ADAMTS20: variants seen among roughly 807,000 people sequenced by gnomAD.
The protein encoded by ADAMTS20 is A disintegrin and metalloproteinase with thrombospondin motifs 20.
A neutral mutation model predicts 260.1 loss-of-function variants in ADAMTS20; 225 were observed. That is an observed-to-expected ratio of 0.87 (90% CI 0.78 to 0.97). ADAMTS20 has a LOEUF of 0.97. Ranked by LOEUF, ADAMTS20 falls within the 50% of genes least tolerant of loss-of-function variation. The pLI is 0.00. For synonymous variants in ADAMTS20, 802 were observed against 769.5 expected (o/e 1.04, Z -0.70); for missense variants, 2,400 against 2,337.7 (o/e 1.03, Z -0.55).
chr12:43,443,131 G>A (rs558292157), intron 16 of ADAMTS20, among the ~76,000 whole-genome samples: 13 of 152,104 alleles, frequency 8.5e-5, no homozygotes, highest in Non-Finnish European at 1.5e-4. Flanking sequence ...CTCCAGCTTG[G>A]TGAATTATAG....
chr12:43,439,729 T>TA lies in ADAMTS20; in HGVS notation c.2485dup (p.Tyr829LeufsTer4). On this transcript the variant is annotated frameshift_variant, in exon 18 of 39. Transcript: ENST00000389420. LOFTEE classifies it high-confidence loss of function. Reference sequence around the variant, plus strand: ...GAAGGAATAATGTACATCAGGGTTGTATAAATTACCCACACACAACACCTC... The same window carrying TA: ...GAAGGAATAATGTACATCAGGGTTGTAATAAATTACCCACACACAACACCTC... 6.2e-7 allele frequency: 1 copy of TA among 1,612,944 alleles called. No individual in the cohort carries two copies.
intron 21 of ADAMTS20, 67 bp from the exon 22 acceptor site, chr12:43,431,563 C>A: frequency 6.5e-7 from 1 of 1,538,210 alleles, no homozygotes; most frequent in South Asian, 1.1e-5. Flanking sequence ...TAAACTGATG[C>A]AATGATCAAT....
Position 43,363,258 on chromosome 12 carries a change from G to A in ADAMTS20, c.5538+6032C>T, listed in dbSNP as rs867984504. ...TATGGTTTCTCTTTGAGACAGGCAG[G>A]CCACCAGCATTTCTCATCCCACCCA... On this transcript the variant is annotated intron_variant, in intron 37 of 38. Coordinates refer to ENST00000389420, the MANE Select transcript of ADAMTS20 (RefSeq NM_025003.5). Among the ~76,000 whole-genome samples the A allele has an allele frequency of 1.9e-4, 29 of 152,144 alleles. 1 individual carries two copies. In the Middle Eastern group the frequency reaches 0.017, roughly 89 times the overall value.
intron 12 of ADAMTS20, among the ~76,000 whole-genome samples, chr12:43,453,518 T>C (rs539411318): frequency 6.6e-6 from 1 of 152,012 alleles, no homozygotes; most frequent in African/African-American, 2.4e-5. Context: ...CGGTAAAAAA[T>C]TGGTAACCAA....
intron 28 of ADAMTS20, among the ~76,000 whole-genome samples, chr12:43,405,633 T>G (rs1940905186): frequency 6.6e-6 from 1 of 152,086 alleles, no homozygotes. Context: ...CATTTTATTT[T>G]AGTCCTCTAT....
intron 18 of ADAMTS20, among the ~76,000 whole-genome samples, chr12:43,437,805 A>C (rs1941584908): frequency 1.3e-5 from 2 of 152,208 alleles, no homozygotes; most frequent in Non-Finnish European, 2.9e-5. Context: ...TCCCAGGACA[A>C]TAATGAAGGA....
At chr12:43,516,659 A>G (rs1467725259) in intron 3 of ADAMTS20, among the ~76,000 whole-genome samples, 1 of 152,132 alleles carries the variant, frequency 6.6e-6, no homozygotes, top group Non-Finnish European at 1.5e-5. Context: ...TACAGAGCTT[A>G]TATCGTATGG....
Position 43,375,505 on chromosome 12 carries a change from T to G in ADAMTS20, c.5320A>C (p.Asn1774His), listed in dbSNP as rs771199005. ...CCATTAAAAGGACATTGATATGGAT[T>G]TTTTAGTCTGTAACAACATTGGGAT... ...FSEVYGFRLK[N>H]PYQCPFNGSR... The change falls in exon 36 of 39, where the codon AAT becomes CAT. Residue 1774 changes from asparagine (N) to histidine (H), a missense_variant. Asn to His is a moderately conservative substitution (Grantham distance 68). Transcript: ENST00000389420. 8 of 1,613,284 alleles carry G rather than the reference T, an allele frequency of 5.0e-6. No homozygotes were observed. Among genetic ancestry groups the G allele is most frequent in the Non-Finnish European group, 6.8e-6 (8 of 1,179,530 alleles).
intron 11 of ADAMTS20, among the ~76,000 whole-genome samples, chr12:43,462,480 G>A (rs1241683417): frequency 6.6e-6 from 1 of 152,056 alleles, no homozygotes; most frequent in Non-Finnish European, 1.5e-5. Flanking sequence ...AAACAATAAA[G>A]GTCTAAAGAA....
chr12:43,398,261 T>C (rs1292106693), intron 29 of ADAMTS20, among the ~76,000 whole-genome samples: 1 of 152,200 alleles, frequency 6.6e-6, no homozygotes, highest in Non-Finnish European at 1.5e-5. Context: ...CCTGTCAATA[T>C]TTCCCAAGCT....
chr12:43,505,439 C>T (rs1434968520), intron 3 of ADAMTS20, among the ~76,000 whole-genome samples: 1 of 152,090 alleles, frequency 6.6e-6, no homozygotes, highest in East Asian at 1.9e-4. Flanking sequence ...AACTCAACAA[C>T]AGGAAAACAA....
chr12:43,441,092 T>C lies in ADAMTS20; in HGVS notation c.2291-1023A>G, dbSNP rs559941261. On this transcript the variant is annotated intron_variant, in intron 16 of 38. Coordinates refer to ENST00000389420, the MANE Select transcript of ADAMTS20 (RefSeq NM_025003.5). ...AAAAAAAAAAACAAAAAAAAAACTC[T>C]AGGGTCAACATTCTAGAAGGCCATG... Among the ~76,000 whole-genome samples the C allele has an allele frequency of 2.7e-5, 4 of 150,344 alleles. No homozygotes were observed. The East Asian group carries it at 5.9e-4, about 22-fold the overall frequency.
At chr12:43,382,851 C>T (rs1940383618) in intron 31 of ADAMTS20, among the ~76,000 whole-genome samples, 1 of 151,744 alleles carries the variant, frequency 6.6e-6, no homozygotes, top group South Asian at 2.1e-4. Flanking sequence ...GGATGGGGAT[C>T]AGACATCAGA....
intron 24 of ADAMTS20, 26 bp downstream of exon 24, chr12:43,429,591 T>C (rs1232509306): frequency 6.7e-7 from 1 of 1,489,208 alleles, no homozygotes; most frequent in Non-Finnish European, 9.2e-7. Context: ...ATAGAAACAC[T>C]GTATCTATTA....
intron 37 of ADAMTS20, among the ~76,000 whole-genome samples, chr12:43,363,307 T>C (rs1410570616): frequency 6.6e-6 from 1 of 152,134 alleles, no homozygotes; most frequent in African/African-American, 2.4e-5. Flanking sequence ...GAAGTTGTAT[T>C]ATAGGCAAGA....
At chr12:43,443,212 C>CA (rs925917394) in intron 16 of ADAMTS20, among the ~76,000 whole-genome samples, 1 of 152,094 alleles carries the variant, frequency 6.6e-6, no homozygotes, top group African/African-American at 2.4e-5. Context: ...ATGTTTGTGT[C>CA]TAAAGTGAAA....
chr12:43,501,648 T>C (rs970921265), intron 4 of ADAMTS20, among the ~76,000 whole-genome samples: 4 of 152,114 alleles, frequency 2.6e-5, no homozygotes, highest in Admixed American at 2.6e-4. Flanking sequence ...CGTGACCTTA[T>C]ATTCCAAATT....
intron 3 of ADAMTS20, among the ~76,000 whole-genome samples, chr12:43,504,028 A>G (rs537572597): frequency 6.6e-6 from 1 of 152,098 alleles, no homozygotes. Context: ...GAACATACAC[A>G]TGCATGTGTC....
chr12:43,545,546 T>C (rs540630808), intron 2 of ADAMTS20, among the ~76,000 whole-genome samples: 5 of 152,202 alleles, frequency 3.3e-5, no homozygotes, highest in Non-Finnish European at 7.3e-5. Context: ...TTTTATGTTG[T>C]CTACTTTAGC....
Sources: allele counts gnomAD v4.1 joint callset (sites outside exome capture counted in the v4.1 genomes callset), GRCh38; gene constraint gnomAD v4.1.1; transcripts MANE v1.5; gene names NCBI Gene and HGNC (gene_info 2026-07-23, HGNC 2026-07-21).